Variants in DAB1 observed in about 807,000 individuals in gnomAD.
DAB1 encodes DAB adaptor protein 1.
In DAB1, 15 loss-of-function variants were observed where a neutral mutation model predicts 64.6. That is an observed-to-expected ratio of 0.23 (90% confidence interval 0.16 to 0.36). The LOEUF is 0.36. DAB1 is among the 10% of genes least tolerant of loss of function. DAB1 has a pLI of 1.00. For synonymous variants in DAB1, 235 were observed against 251.9 expected (o/e 0.93, Z 0.64); for missense variants, 596 against 706.7 (o/e 0.84, Z 1.78).
chr1:57,791,391 G>A (rs1199142215), intron 6 of DAB1, among the ~76,000 whole-genome samples: 3 of 151,982 alleles, frequency 2.0e-5, no homozygotes, highest in African/African-American at 7.3e-5. Context: ...TATTATTTGA[G>A]CTCCTACCAG....
At chr1:57,220,241 T>C (rs2100378613) in intron 2 of DAB1, among the ~76,000 whole-genome samples, 1 of 152,300 alleles carries the variant, frequency 6.6e-6, no homozygotes, top group East Asian at 1.9e-4. Flanking sequence ...CTATAATCTG[T>C]CTGGAAAGCC....
At position 57,152,082 on chromosome 1, in the gene DAB1, G is replaced by A. The variant is rs184341937; in HGVS notation, c.68-6653C>T. On this transcript the variant is annotated intron_variant, in intron 2 of 14. Transcript: ENST00000371236. ...GCCTGCCTCGGCCTCCCGAAGTGCT[G>A]GCATTACAGGCATAAGCCACCATGC... Among the ~76,000 whole-genome samples the A allele has an allele frequency of 1.9e-3, 290 of 152,260 alleles. 1 individual carries two copies. Among genetic ancestry groups the A allele is most frequent in the Middle Eastern group, 0.01 (3 of 294 alleles).
At chr1:57,480,560 C>T (rs1644004302) in intron 7 of DAB1, among the ~76,000 whole-genome samples, 1 of 151,840 alleles carries the variant, frequency 6.6e-6, no homozygotes, top group African/African-American at 2.4e-5. Flanking sequence ...TCGTGGCTCA[C>T]TGCAACCTCT....
At chr1:57,808,781 C>T (rs956307649) in intron 6 of DAB1, among the ~76,000 whole-genome samples, 1 of 152,148 alleles carries the variant, frequency 6.6e-6, no homozygotes, top group East Asian at 1.9e-4. Context: ...TGATTCTACT[C>T]CAATTATTTA....
chr1:58,283,162 C>G (rs1186915932), intron 4 of DAB1, among the ~76,000 whole-genome samples: 1 of 151,792 alleles, frequency 6.6e-6, no homozygotes, highest in Non-Finnish European at 1.5e-5. Context: ...GCTCTCCTCT[C>G]TTGTTCTCAT....
At chr1:58,402,475 G>A (rs2100564687) in intron 3 of DAB1, among the ~76,000 whole-genome samples, 1 of 152,278 alleles carries the variant, frequency 6.6e-6, no homozygotes, top group East Asian at 1.9e-4. Flanking sequence ...GGAAGAGAAA[G>A]ACAGAAACAC....
intron 4 of DAB1, among the ~76,000 whole-genome samples, chr1:58,295,817 G>C (rs774024209): frequency 6.6e-6 from 1 of 152,020 alleles, no homozygotes. Flanking sequence ...TTGGCTGGGC[G>C]CAGTGGCTCA....
rs74077260 is a variant in DAB1 at position 57,142,204 on chromosome 1, G to A, written c.207+3086C>T. On this transcript the variant is annotated intron_variant, in intron 3 of 14. Transcript: ENST00000371236. Reference sequence around the variant, plus strand: ...CCCCTCTCAATCCCCTACAATCCAAGAGAAAACTCTCTAATGCAAGAACAC... The same window carrying A: ...CCCCTCTCAATCCCCTACAATCCAAAAGAAAACTCTCTAATGCAAGAACAC... Among the ~76,000 whole-genome samples the A allele has an allele frequency of 2.6e-5, 4 of 152,234 alleles. 1 individual carries two copies. The Middle Eastern group carries it at 0.014, about 518-fold the overall frequency.
intron 1 of DAB1, among the ~76,000 whole-genome samples, chr1:57,337,483 T>A (rs1677173229): frequency 6.6e-6 from 1 of 152,204 alleles, no homozygotes. Flanking sequence ...CAAATGCCAC[T>A]GTCTTAGGGA....
chr1:57,437,035 C>CAAAAA (rs66682648), intron 7 of DAB1, among the ~76,000 whole-genome samples: 4 of 108,774 alleles, frequency 3.7e-5, no homozygotes, highest in African/African-American at 7.5e-5. Context: ...GACTCCGTCT[C>CAAAAA]AAAAAAAAAA....
chr1:58,390,419 C>T (rs1644466687), intron 3 of DAB1, among the ~76,000 whole-genome samples: 1 of 152,178 alleles, frequency 6.6e-6, no homozygotes, highest in Non-Finnish European at 1.5e-5. Context: ...CAAAGAAGTG[C>T]AGACCTGCTC....
At chr1:57,703,345 A>T (rs9629009) in intron 6 of DAB1, among the ~76,000 whole-genome samples, 60,910 of 151,988 alleles carry the variant, frequency 0.4, 12,929 homozygotes, top group African/African-American at 0.55. Flanking sequence ...TTTACAAGAA[A>T]AAAAAGATCT....
rs56235748 is a variant in DAB1 at position 57,320,214 on chromosome 1, C to T, written c.-136-29048G>A. On this transcript the variant is annotated intron_variant, in intron 1 of 14. Transcript: ENST00000371236. ...AAGGTCCCAGAAGGTGCCTGCTTCC[C>T]CTTTGCCTTATGCCATGATTCTAAG... Among the ~76,000 whole-genome samples, 1,012 of 152,264 alleles carry T rather than the reference C, an allele frequency of 6.6e-3. 5 individuals are homozygous for T. Among genetic ancestry groups the T allele is most frequent in the Non-Finnish European group, 0.012 (801 of 68,008 alleles).
intron 5 of DAB1, among the ~76,000 whole-genome samples, chr1:58,100,398 TA>T (rs1352029421): frequency 1.3e-5 from 2 of 152,202 alleles, no homozygotes; most frequent in Non-Finnish European, 2.9e-5. Context: ...TATTCCTCTT[TA>T]AGGGGTGAAT....
intron 7 of DAB1, among the ~76,000 whole-genome samples, chr1:57,531,539 A>G (rs1644663765): frequency 6.6e-6 from 1 of 152,230 alleles, no homozygotes; most frequent in Non-Finnish European, 1.5e-5. Flanking sequence ...TGAACAAGGA[A>G]GAGAAGTAAT....
At chr1:57,948,557 T>C (rs1645218042) in intron 5 of DAB1, among the ~76,000 whole-genome samples, 1 of 152,220 alleles carries the variant, frequency 6.6e-6, no homozygotes, top group Non-Finnish European at 1.5e-5. Context: ...GTTTTGAGTC[T>C]AGTCGATTCT....
chr1:58,173,466 T>C (rs1656288671), intron 4 of DAB1, among the ~76,000 whole-genome samples: 1 of 152,148 alleles, frequency 6.6e-6, no homozygotes, highest in Non-Finnish European at 1.5e-5. Flanking sequence ...CCGAACCCCC[T>C]GCAGCAGCGA....
At chr1:57,725,820 C>T (rs1647202620) in intron 6 of DAB1, among the ~76,000 whole-genome samples, 1 of 151,814 alleles carries the variant, frequency 6.6e-6, no homozygotes, top group Admixed American at 6.6e-5. Context: ...GGCGCGATCT[C>T]AGCTTACTGC....
chr1:57,335,316 T>C (rs2100809737), intron 1 of DAB1, among the ~76,000 whole-genome samples: 1 of 152,228 alleles, frequency 6.6e-6, no homozygotes, highest in East Asian at 1.9e-4. Context: ...TCTTCAATCA[T>C]TTGGAAATGC....
Sources: allele counts gnomAD v4.1 joint callset (sites outside exome capture counted in the v4.1 genomes callset), GRCh38; gene constraint gnomAD v4.1.1; transcripts MANE v1.5; gene names NCBI Gene and HGNC (gene_info 2026-07-23, HGNC 2026-07-21).